POMT2: variants seen among roughly 807,000 people sequenced by gnomAD.
POMT2 encodes protein O-mannosyl-transferase 2.
In POMT2, 75 loss-of-function variants were observed where a neutral mutation model predicts 100.0. The observed-to-expected ratio is 0.75, with a 90% CI of 0.62 to 0.91. POMT2 has a LOEUF of 0.91. POMT2 is among the 40% of genes least tolerant of loss of function. The probability of loss-of-function intolerance (pLI) is 0.00; values close to 1 mark genes in which losing one functional copy is unlikely to be tolerated. For missense variants in POMT2, 940 were observed against 955.1 expected (o/e 0.98, Z 0.21); for synonymous variants, 378 against 374.1 (o/e 1.01, Z -0.12).
chr14:77,289,532 GCCTTTAC>G (rs1172745270), intron 10 of POMT2, among the ~76,000 whole-genome samples: 1 of 152,274 alleles, frequency 6.6e-6, no homozygotes, highest in Non-Finnish European at 1.5e-5. Context: ...CTGGAATGTG[GCCTTTAC>G]CCGATGAGGC....
intron 1 of POMT2, among the ~76,000 whole-genome samples, chr14:77,318,813 G>A (rs1452426627): frequency 1.4e-5 from 2 of 147,276 alleles, no homozygotes; most frequent in East Asian, 4.0e-4. Flanking sequence ...TTAGCTCACT[G>A]CAACCTCTGC....
Position 77,279,886 on chromosome 14 carries a change from G to A in POMT2, c.1828C>T (p.Leu610Phe), listed in dbSNP as rs1555351859. 5 of 1,614,080 alleles carry A rather than the reference G, an allele frequency of 3.1e-6. No individual in the cohort carries two copies. Among genetic ancestry groups the A allele is most frequent in the Non-Finnish European group, 4.2e-6 (5 of 1,180,012 alleles). The part of the protein sequence containing the change: ...LNLLSIALYL[L>F]SGSIIAVAMQ... Reference sequence around the variant, plus strand: ...GCTACAGCAATGATGCTCCCTGAGAGGAGGTAGAGGGCGATGCTCAACAGA... The same window carrying A: ...GCTACAGCAATGATGCTCCCTGAGAAGAGGTAGAGGGCGATGCTCAACAGA... The change falls in exon 18 of 21, where the codon CTC becomes TTC. Residue 610 changes from leucine (L) to phenylalanine (F), a missense_variant. Coordinates refer to ENST00000261534, the MANE Select transcript of POMT2 (RefSeq NM_013382.7).
chr14:77,320,002 T>G lies in POMT2; in HGVS notation c.248+432A>C, dbSNP rs534999934. 2.4e-4 allele frequency among the ~76,000 whole-genome samples: 36 copies of G among 152,304 alleles called. No individual in the cohort carries two copies. In the South Asian group the frequency reaches 7.0e-3, roughly 30 times the overall value. On this transcript the variant is annotated intron_variant, in intron 1 of 20. Coordinates refer to ENST00000261534, the MANE Select transcript of POMT2 (RefSeq NM_013382.7). ...GGTCACCATACCTGAACACCCAAACTGTCCTTGCCCTATAGGATAAAGGTA... is the reference window on the plus strand; with the variant it reads ...GGTCACCATACCTGAACACCCAAACGGTCCTTGCCCTATAGGATAAAGGTA...
rs549021556 is a variant in POMT2, at chr14:77,279,603, G to A, written c.1891+220C>T. 437 of 673,900 alleles carry A rather than the reference G, an allele frequency of 6.5e-4. 1 individual carries two copies. The African/African-American group carries it at 6.9e-3, about 11-fold the overall frequency. The allele number at this position is 673,900 out of a possible 1,614,324, so 41.7% of individuals were successfully genotyped here. On this transcript the variant is annotated intron_variant, in intron 18 of 20. Transcript: ENST00000261534. Reference sequence around the variant, plus strand: ...CTTGGTTTCCTAATCCATAAAATGGGGGTCATAATAGCCAACGCTCTAGTG... The same window carrying A: ...CTTGGTTTCCTAATCCATAAAATGGAGGTCATAATAGCCAACGCTCTAGTG...
In POMT2 at chr14:77,279,911, A is replaced by G. The variant is rs145557452; in HGVS notation, c.1803T>C (p.Asn601=). Residue 601 remains asparagine, a synonymous_variant, in exon 18 of 21, where the codon AAT becomes AAC. Transcript: ENST00000261534. ...GGAGGTAGAGGGCGATGCTCAACAGATTCAGCCACCAAACCACCTGTGCAG... is the reference window on the plus strand; with the variant it reads ...GGAGGTAGAGGGCGATGCTCAACAGGTTCAGCCACCAAACCACCTGTGCAG... ...LLGNPVVWWL[N]LLSIALYLLS... 1.4e-5 allele frequency: 22 copies of G among 1,613,986 alleles called. No individual in the cohort carries two copies. Among genetic ancestry groups the G allele is most frequent in the Non-Finnish European group, 1.9e-5 (22 of 1,180,012 alleles).
chr14:77,310,463 T>A (rs1398731010), intron 2 of POMT2, among the ~76,000 whole-genome samples: 2 of 152,200 alleles, frequency 1.3e-5, no homozygotes, highest in African/African-American at 2.4e-5. Context: ...ATTGTTGTTA[T>A]AGTATAAAAG....
intron 1 of POMT2, 34 bp from the exon 2 acceptor site, chr14:77,312,067 T>C (rs767520538): frequency 1.9e-6 from 3 of 1,610,324 alleles, no homozygotes; most frequent in Non-Finnish European, 1.7e-6. Context: ...ACAAGAATTT[T>C]AAAATTATCA....
At chr14:77,320,269 C>G in intron 1 of POMT2, 165 bp downstream of exon 1, 2 of 1,193,262 alleles carry the variant, frequency 1.7e-6, no homozygotes, top group South Asian at 2.7e-5. Flanking sequence ...ATCCCCCTCC[C>G]AGAGAATGCA....
At chr14:77,294,041 A>C (rs1455062542) in intron 9 of POMT2, among the ~76,000 whole-genome samples, 1 of 152,240 alleles carries the variant, frequency 6.6e-6, no homozygotes, top group African/African-American at 2.4e-5. Flanking sequence ...TCCTAGATCA[A>C]TTAAATCATA....
At position 77,280,037 on chromosome 14, in the gene POMT2, T is replaced by C. The variant is rs1566644163; in HGVS notation, c.1769A>G (p.Tyr590Cys). ...SGVNDTDFRVYLLGNPVVWWL... is the reference protein window; with the variant it reads ...SGVNDTDFRVCLLGNPVVWWL... ...GGCACTCACCGGGTTGCCAAGCAGA[T>C]AGACTCGGAAATCTGTGTCATTGAC... The change falls in exon 17 of 21, where the codon TAT becomes TGT. Residue 590 changes from tyrosine to cysteine, a missense_variant. Tyr to Cys is a radical substitution (Grantham distance 194). Coordinates refer to ENST00000261534, the MANE Select transcript of POMT2 (RefSeq NM_013382.7). 11 of 1,613,932 alleles carry C rather than the reference T, an allele frequency of 6.8e-6. No homozygotes were observed. Among genetic ancestry groups the C allele is most frequent in the East Asian group, 2.2e-5 (1 of 44,874 alleles).
Position 77,279,946 on chromosome 14 carries a change from T to C in POMT2, c.1786-18A>G, listed in dbSNP as rs193173216. ...CAAACCACCTGTGCAGAAATGGGAA[T>C]GGGCAGATGAGAACGCAGCCGCTCT... On this transcript the variant is annotated intron_variant, in intron 17 of 20. Coordinates refer to ENST00000261534, the MANE Select transcript of POMT2 (RefSeq NM_013382.7). 7.1e-5 allele frequency: 114 copies of C among 1,614,148 alleles called. No individual in the cohort carries two copies. In the African/African-American group the frequency reaches 1.4e-3, roughly 19 times the overall value.
Position 77,291,301 on chromosome 14 carries a change from C to G in POMT2, c.1183+13G>C. On this transcript the variant is annotated intron_variant, in intron 10 of 20. Transcript: ENST00000261534. ...GTAACAGCACAAGAAGCATCAGTCT[C>G]TGACCACATTACCTGAGTTTGTGTT... is the stretch of plus-strand genomic sequence containing the variant. 6.2e-7 allele frequency: 1 copy of G among 1,608,852 alleles called. No homozygotes were observed. Among genetic ancestry groups the G allele is most frequent in the Non-Finnish European group, 8.5e-7 (1 of 1,178,606 alleles).
chr14:77,283,609 T>TCATCACCAC (rs1890305976), intron 15 of POMT2, among the ~76,000 whole-genome samples, 188 bp downstream of exon 15: 1 of 152,226 alleles, frequency 6.6e-6, no homozygotes, highest in African/African-American at 2.4e-5. Context: ...GGTATCACCA[T>TCATCACCAC]CATCACCACC....
intron 15 of POMT2, among the ~76,000 whole-genome samples, chr14:77,281,146 G>A (rs1043268257): frequency 7.1e-6 from 1 of 141,480 alleles, no homozygotes; most frequent in African/African-American, 2.5e-5. Flanking sequence ...AAATAATAAG[G>A]CTTACTTATT....
chr14:77,296,558 T>C (rs1890839654), intron 8 of POMT2: 2 of 445,352 alleles, frequency 4.5e-6, no homozygotes, highest in Non-Finnish European at 8.3e-6. Flanking sequence ...AAAAACAACT[T>C]GTCCTTCTCA....
intron 3 of POMT2, among the ~76,000 whole-genome samples, chr14:77,306,034 G>A (rs1329757911): frequency 6.6e-6 from 1 of 152,230 alleles, no homozygotes; most frequent in African/African-American, 2.4e-5. Context: ...CTGATTGCCC[G>A]GGTTCCAGGC....
chr14:77,279,874 T>C lies in POMT2; in HGVS notation c.1840A>G (p.Ile614Val). Residue 614 changes from isoleucine to valine, a missense_variant, in exon 18 of 21, where the codon ATC (isoleucine) becomes GTC (valine). Coordinates refer to ENST00000261534, the MANE Select transcript of POMT2 (RefSeq NM_013382.7). ...CCTCTCTGCATGGCTACAGCAATGA[T>C]GCTCCCTGAGAGGAGGTAGAGGGCG... ...SIALYLLSGS[I>V]IAVAMQRGAR... The C allele has an allele frequency of 6.2e-7, 1 of 1,613,982 alleles. No individual in the cohort carries two copies. The highest frequency in any genetic ancestry group is 8.5e-7 in the Non-Finnish European group (1 of 1,179,992).
intron 10 of POMT2, among the ~76,000 whole-genome samples, chr14:77,290,865 G>C (rs1890613084): frequency 6.6e-6 from 1 of 152,208 alleles, no homozygotes; most frequent in African/African-American, 2.4e-5. Flanking sequence ...ACTCAGGCCA[G>C]GGCTGAGCAG....
chr14:77,304,416 CATTCCAAACTCA>C (rs1475815643), intron 4 of POMT2, among the ~76,000 whole-genome samples: 1 of 152,186 alleles, frequency 6.6e-6, no homozygotes, highest in Non-Finnish European at 1.5e-5. Flanking sequence ...TCTTATTACC[CATTCCAAACTCA>C]ACCGTGAATA....
Sources: gnomAD v4.1 joint callset for allele counts (sites outside exome capture counted in the v4.1 genomes callset) on GRCh38, gnomAD v4.1.1 for gene constraint, MANE v1.5 for transcripts, NCBI Gene and HGNC (gene_info 2026-07-23, HGNC 2026-07-21) for gene names.